The following RAD51D variants were observed in gnomAD, a reference collection of about 807,000 sequenced individuals.
RAD51D encodes DNA repair protein RAD51 homolog 4.
A neutral mutation model predicts 44.1 loss-of-function variants in RAD51D; 38 were observed. The ratio of observed to expected loss-of-function variants is 0.86; its 90% confidence interval spans 0.67 to 1.13. The LOEUF is 1.13. RAD51D is among the 50% of genes most tolerant of loss of function. The pLI is 0.00. For missense variants in RAD51D, 390 were observed against 414.0 expected, an observed-to-expected ratio of 0.94 and a Z score of 0.50; for synonymous variants, 141 against 166.6, an observed-to-expected ratio of 0.85 and a Z score of 1.18.
Position 35,099,530 on chromosome 17 carries a change from C to G in RAD51D, c.*1423G>C, listed in dbSNP as rs2091511097. 1 of 266,320 alleles carries G rather than the reference C, an allele frequency of 3.8e-6. No individual in the cohort carries two copies. Among genetic ancestry groups the G allele is most frequent in the Non-Finnish European group, 7.4e-6 (1 of 134,662 alleles). 16.5% of individuals were successfully genotyped at this position (266,320 alleles called of 1,614,324 possible). ...TTTCTCCTGAGGTCTTCTGTGAAAG[C>G]AAGCGCTAGGATTCCCCCAGGCTTA... On this transcript the variant is annotated 3_prime_UTR_variant, in exon 10 of 10. Coordinates refer to ENST00000345365, the MANE Select transcript of RAD51D (RefSeq NM_002878.4).
chr17:35,109,632 T>C (rs2091651187), intron 3 of RAD51D, among the ~76,000 whole-genome samples: 1 of 152,126 alleles, frequency 6.6e-6, no homozygotes, highest in Non-Finnish European at 1.5e-5. Flanking sequence ...GCTCACTGTG[T>C]TTTTAATTTG....
rs117655869 is a variant in RAD51D, at chr17:35,094,156, C to T, written c.*6797G>A. On this transcript the variant is annotated 3_prime_UTR_variant, in exon 10 of 10. Transcript: ENST00000345365. ...TTGTTCCGTCACCCAGACTGGAGTG[C>T]AGTAGTGTGATCTTGGCTCACTGCA... The T allele has an allele frequency of 0.014, 2,139 of 152,386 alleles. 20 individuals are homozygous for T. The highest frequency in any genetic ancestry group is 0.021 in the Non-Finnish European group (1,405 of 68,174). The allele number at this position is 152,386 out of a possible 1,614,324, so 9.4% of individuals were successfully genotyped here.
chr17:35,104,012 G>A (rs982668742), intron 6 of RAD51D, among the ~76,000 whole-genome samples: 5 of 152,128 alleles, frequency 3.3e-5, no homozygotes, highest in Admixed American at 3.3e-4. Context: ...TGGGAGGCGG[G>A]GGTTGCAGTG....
intron 3 of RAD51D, among the ~76,000 whole-genome samples, chr17:35,116,165 A>C (rs1410707747): frequency 1.3e-5 from 2 of 151,988 alleles, no homozygotes; most frequent in Admixed American, 1.3e-4. Flanking sequence ...GTCTTGTCAC[A>C]GTTCCTCTTC....
chr17:35,113,835 G>C (rs2091705688), intron 3 of RAD51D, among the ~76,000 whole-genome samples: 1 of 152,140 alleles, frequency 6.6e-6, no homozygotes, highest in African/African-American at 2.4e-5. Context: ...CGCTCCCCAA[G>C]ACCTACTGAA....
intron 3 of RAD51D, among the ~76,000 whole-genome samples, chr17:35,108,696 T>G (rs1292229773): frequency 6.6e-6 from 1 of 151,830 alleles, no homozygotes; most frequent in Non-Finnish European, 1.5e-5. Context: ...TACAGAACAT[T>G]TCCATCACTA....
intron 8 of RAD51D, among the ~76,000 whole-genome samples, chr17:35,101,623 GGTCTCAAACT>G (rs1395234199): frequency 6.6e-6 from 1 of 152,116 alleles, no homozygotes; most frequent in East Asian, 1.9e-4. Context: ...TTTCCAGGCT[GGTCTCAAACT>G]CTTGAGCTCA....
At position 35,097,603 on chromosome 17, in the gene RAD51D, G is replaced by C. The variant is rs1255963161; in HGVS notation, c.*3350C>G. On this transcript the variant is annotated 3_prime_UTR_variant, in exon 10 of 10. Coordinates refer to ENST00000345365, the MANE Select transcript of RAD51D (RefSeq NM_002878.4). ...CCTCAGGTCTCAAACCACCCCCGCA[G>C]GGGAAATTGAAAGTTGACGCTTTAT... The C allele has an allele frequency of 1.5e-5, 2 of 135,530 alleles. No homozygotes were observed. The highest frequency in any genetic ancestry group is 2.9e-5 in the Non-Finnish European group (2 of 67,862). 8.4% of individuals were successfully genotyped at this position (135,530 alleles called of 1,614,324 possible).
intron 3 of RAD51D, among the ~76,000 whole-genome samples, chr17:35,117,199 G>T (rs1047520101): frequency 6.6e-6 from 1 of 152,118 alleles, no homozygotes; most frequent in African/African-American, 2.4e-5. Flanking sequence ...TGCCTCATTC[G>T]TGTATGTATC....
rs1227344973 is a variant in RAD51D, at chr17:35,093,715, T to C, written c.*7238A>G. On this transcript the variant is annotated 3_prime_UTR_variant, in exon 10 of 10. Transcript: ENST00000345365. Reference sequence around the variant, plus strand: ...AGGAACAAGACAAGGATGATTGTTATTGTTGCTTCTATTCTGTGTAGTACT... The same window carrying C: ...AGGAACAAGACAAGGATGATTGTTACTGTTGCTTCTATTCTGTGTAGTACT... 6.6e-5 allele frequency: 10 copies of C among 152,238 alleles called. No homozygotes were observed. Among genetic ancestry groups the C allele is most frequent in the Admixed American group, 6.5e-4 (10 of 15,280 alleles). The allele number at this position is 152,238 out of a possible 1,614,324, so 9.4% of individuals were successfully genotyped here.
intron 3 of RAD51D, chr17:35,113,438 T>G: frequency 4.2e-6 from 1 of 237,708 alleles, no homozygotes; most frequent in Non-Finnish European, 8.9e-6. Flanking sequence ...CTGGCTAATT[T>G]TTGTATTTTT....
rs376855484 is a variant in RAD51D at position 35,103,492 on chromosome 17, G to T, written c.629C>A (p.Ala210Glu). The T allele has an allele frequency of 9.9e-6, 16 of 1,614,126 alleles. No individual in the cohort carries two copies. The highest frequency in any genetic ancestry group is 1.2e-5 in the Non-Finnish European group (14 of 1,180,020). Residue 210 changes from alanine to glutamate, a missense_variant, in exon 7 of 10, where the codon GCG becomes GAG. Ala to Glu is a moderately radical substitution (Grantham distance 107, BLOSUM62 -1). Transcript: ENST00000345365. This position sits in a 1 kb window ranked among gnomAD's most constrained non-coding sequence, Gnocchi z 4.1. Reference sequence around the variant, plus strand: ...ACCTCCCAGAAGTGGGGAAACCACCGCAGTGACCGAGTCCACAACCACCAC... The same window carrying T: ...ACCTCCCAGAAGTGGGGAAACCACCTCAGTGACCGAGTCCACAACCACCAC... The part of the protein sequence containing the change: ...VKVVVVDSVT[A>E]VVSPLLGGQQ...
chr17:35,115,977 G>GAAAGAAAGAA (rs1260566077), intron 3 of RAD51D, among the ~76,000 whole-genome samples: 1 of 147,694 alleles, frequency 6.8e-6, no homozygotes. Flanking sequence ...AAGAAAGAAA[G>GAAAGAAAGAA]AAAGAAAGAA....
In RAD51D at chr17:35,099,666, T is replaced by G; in HGVS notation, c.*1287A>C. 1 of 381,212 alleles carries G rather than the reference T, an allele frequency of 2.6e-6. No individual in the cohort carries two copies. The highest frequency in any genetic ancestry group is 5.1e-6 in the Non-Finnish European group (1 of 196,400). 23.6% of individuals were successfully genotyped at this position (381,212 alleles called of 1,614,324 possible). On this transcript the variant is annotated 3_prime_UTR_variant, in exon 10 of 10. Transcript: ENST00000345365. Reference sequence around the variant, plus strand: ...TTCATCACCTCTAAATGTCATTACTTTCTGAGTGTAACTCGGACCCTCCTT... The same window carrying G: ...TTCATCACCTCTAAATGTCATTACTGTCTGAGTGTAACTCGGACCCTCCTT...
chr17:35,103,108 G>T lies in RAD51D; in HGVS notation c.738+146C>A. On this transcript the variant is annotated intron_variant, in intron 8 of 9. Transcript: ENST00000345365. This position sits in a 1 kb window ranked among gnomAD's most constrained non-coding sequence, Gnocchi z 4.1. ...ATTCCTGATTCCCTTAGCTATTTAT[G>T]GTGCAAAGCTGTAGCTGACCCAGGG... The T allele has an allele frequency of 1.4e-6, 1 of 731,940 alleles. No homozygotes were observed. The highest frequency in any genetic ancestry group is 1.5e-5 in the South Asian group (1 of 64,826). The allele number at this position is 731,940 out of a possible 1,614,324, so 45.3% of individuals were successfully genotyped here. A position where few individuals can be genotyped will look rare whatever the true frequency, so the allele number is the denominator to read the frequency against.
intron 3 of RAD51D, chr17:35,117,170 G>A: frequency 5.1e-6 from 5 of 973,332 alleles, no homozygotes; most frequent in Non-Finnish European, 7.6e-6. Context: ...CCAACTAGAG[G>A]CCTTAAGGGC....
rs549337574 is a variant in RAD51D at position 35,104,063 on chromosome 17, G to A, written c.577-519C>T. On this transcript the variant is annotated intron_variant, in intron 6 of 9. Transcript: ENST00000345365. ...GCTGCATTCCAGCCTGGGCGACAGA[G>A]CAAGACTCTGTCTCAAAAAAAATAA... Among the ~76,000 whole-genome samples, 62 of 152,272 alleles carry A rather than the reference G, an allele frequency of 4.1e-4. No individual in the cohort carries two copies. The Middle Eastern group carries it at 0.014, about 33-fold the overall frequency.
In RAD51D at chr17:35,101,009, T is replaced by G. The variant is rs755265519; in HGVS notation, c.931A>C (p.Ile311Leu). 6 of 1,613,790 alleles carry G rather than the reference T, an allele frequency of 3.7e-6. No homozygotes were observed. The South Asian group carries it at 5.5e-5, about 15-fold the overall frequency. The part of the protein sequence containing the change: ...QPTGFQEMVD[I>L]GTWGTSEQSA... ...TGCTCTGAGGTCCCCCAGGTCCCAA[T>G]GTCTACCATCTCCTGGAAACCTGTT... Residue 311 changes from isoleucine (I) to leucine (L), a missense_variant, in exon 10 of 10, where the codon ATT (isoleucine) becomes CTT (leucine). Ile to Leu is a conservative substitution (Grantham distance 5, BLOSUM62 2). Transcript: ENST00000345365.
intron 2 of RAD51D, 37 bp from the exon 3 acceptor site, chr17:35,118,656 C>A (rs199578558): frequency 1.3e-6 from 2 of 1,522,508 alleles, no homozygotes; most frequent in East Asian, 4.5e-5. Flanking sequence ...CAACAAATTG[C>A]CCGTAGAAGC....
Sources: allele counts gnomAD v4.1 joint callset (sites outside exome capture counted in the v4.1 genomes callset), GRCh38; gene constraint gnomAD v4.1.1; non-coding constraint Gnocchi (gnomAD v3.1); transcripts MANE v1.5; gene names NCBI Gene and HGNC (gene_info 2026-07-23, HGNC 2026-07-21).